The following TAOK2 variants were observed in gnomAD, a reference collection of about 807,000 sequenced individuals.
TAOK2 encodes the protein serine/threonine-protein kinase TAO2.
In TAOK2, 42 loss-of-function variants were observed where a neutral mutation model predicts 122.5. The observed-to-expected ratio is 0.34, with a 90% CI of 0.27 to 0.44. TAOK2 has a LOEUF of 0.44. TAOK2 is among the 20% of genes least tolerant of loss of function. TAOK2 has a pLI of 1.00. For synonymous variants in TAOK2, 704 were observed against 677.6 expected, an observed-to-expected ratio of 1.04 and a Z score of -0.61; for missense variants, 1,264 against 1,644.9, an observed-to-expected ratio of 0.77 and a Z score of 4.01.
chr16:29,987,933 C>A lies in TAOK2; in HGVS notation c.3661C>A (p.Arg1221=). Residue 1221 remains arginine, a synonymous_variant, in exon 16 of 16, where the codon CGG becomes AGG. Transcript: ENST00000308893. ...RQPLPGTLAG[R]RSRTRQSRAL... Reference sequence around the variant, plus strand: ...GCCACTGCCAGGGACTCTAGCCGGGCGGAGGTCACGCACCCGCCAGTCCCG... The same window carrying A: ...GCCACTGCCAGGGACTCTAGCCGGGAGGAGGTCACGCACCCGCCAGTCCCG... The A allele has an allele frequency of 6.5e-7, 1 of 1,540,600 alleles. No homozygotes were observed.
chr16:29,986,402 C>A lies in TAOK2; in HGVS notation c.2130C>A (p.His710Gln). 6.2e-7 allele frequency: 1 copy of A among 1,611,350 alleles called. No homozygotes were observed. The highest frequency in any genetic ancestry group is 1.3e-5 in the African/African-American group (1 of 74,984). The change falls in exon 16 of 16, where the codon CAC becomes CAA. Residue 710 changes from histidine (H) to glutamine (Q), a missense_variant. His to Gln is a conservative substitution (Grantham distance 24). Around this residue, in one of 4 missense-constraint regions of TAOK2, gnomAD observed 824 missense variants for 908.7 expected, o/e 0.91. Transcript: ENST00000308893. The surrounding 1 kb of genome is among the most constrained non-coding windows in gnomAD (Gnocchi z 4.2). ...GGGCTGAGCTCACCCGCCTGCAGCACCAGACGGAGCTGGGCAACCAGCTGG... is the reference window on the plus strand; with the variant it reads ...GGGCTGAGCTCACCCGCCTGCAGCAACAGACGGAGCTGGGCAACCAGCTGG... The part of the protein sequence containing the change: ...RTRAELTRLQ[H>Q]QTELGNQLEY...
At chr16:29,989,013 T>C (rs942775618), downstream of TAOK2, 3 of 985,384 alleles carry the variant, frequency 3.0e-6, no homozygotes, top group Middle Eastern at 1.0e-3. Flanking sequence ...AGCCCCTTCT[T>C]ACCCATTTCT....
chr16:29,983,808 T>A, intron 13 of TAOK2, 144 bp downstream of exon 13: 1 of 1,298,242 alleles, frequency 7.7e-7, no homozygotes, highest in Non-Finnish European at 1.1e-6. Context: ...CTGCTCCCCT[T>A]AACCCTCCTG....
chr16:29,991,059 C>A, downstream of TAOK2: 1 of 1,574,634 alleles, frequency 6.4e-7, no homozygotes, highest in Non-Finnish European at 8.6e-7. This position sits in a 1 kb window ranked among gnomAD's most constrained non-coding sequence, Gnocchi z 5.6. Flanking sequence ...GGAAGAGGAG[C>A]TGCTGGCCCT....
At chr16:29,991,141 C>T (rs1281927365), downstream of TAOK2, 3 of 1,609,820 alleles carry the variant, frequency 1.9e-6, no homozygotes, top group Non-Finnish European at 1.7e-6. The surrounding 1 kb of genome is among the most constrained non-coding windows in gnomAD (Gnocchi z 5.6). Flanking sequence ...GCCTTCGATG[C>T]GGAAAGCATG....
At chr16:29,984,546 C>A (rs1484952503) in intron 13 of TAOK2, among the ~76,000 whole-genome samples, 1 of 152,086 alleles carries the variant, frequency 6.6e-6, no homozygotes, top group Non-Finnish European at 1.5e-5. Flanking sequence ...CTTCAGATCC[C>A]ATGGTGTTGT....
downstream of TAOK2, chr16:29,989,900 G>T: frequency 2.3e-6 from 3 of 1,319,892 alleles, no homozygotes; most frequent in Non-Finnish European, 3.1e-6. Context: ...ACAGAGCTGG[G>T]GCTTTTTTAC....
Position 29,986,573 on chromosome 16 carries a change from A to G in TAOK2, c.2301A>G (p.Thr767=). The G allele has an allele frequency of 6.2e-7, 1 of 1,613,790 alleles. No homozygotes were observed. Reference sequence around the variant, plus strand: ...CTGGGGCTCTGGGCCCACCCAACACAGGCACCCCTATAGAACAGCAGCCCT... The same window carrying G: ...CTGGGGCTCTGGGCCCACCCAACACGGGCACCCCTATAGAACAGCAGCCCT... ...PIPGALGPPN[T]GTPIEQQPCS... is the part of the protein sequence containing the mutation. Residue 767 remains threonine (T), a synonymous_variant, in exon 16 of 16, where the codon ACA becomes ACG. Coordinates refer to ENST00000308893, the MANE Select transcript of TAOK2 (RefSeq NM_016151.4). This position sits in a 1 kb window ranked among gnomAD's most constrained non-coding sequence, Gnocchi z 4.2.
At position 29,975,980 on chromosome 16, in the gene TAOK2, G is replaced by A. The variant is rs540090989; in HGVS notation, c.-36+1332G>A. Among the ~76,000 whole-genome samples the A allele has an allele frequency of 3.9e-5, 6 of 152,276 alleles. No homozygotes were observed. The South Asian group carries it at 8.3e-4, about 21-fold the overall frequency. ...GCATAGCTTAGGAACAGATAGATAC[G>A]GGTTTCCTCATCTGTAGAATGGAGA... On this transcript the variant is annotated intron_variant, in intron 1 of 15. Coordinates refer to ENST00000308893, the MANE Select transcript of TAOK2 (RefSeq NM_016151.4).
chr16:29,979,177 G>A lies in TAOK2; in HGVS notation c.450-18G>A, dbSNP rs2069545531. The A allele has an allele frequency of 1.2e-5, 19 of 1,614,108 alleles. No homozygotes were observed. Among genetic ancestry groups the A allele is most frequent in the Non-Finnish European group, 1.6e-5 (19 of 1,179,954 alleles). ...TTCTTGAGACACATGTCTCATCCCT[G>A]TACTTTGCCTCTGGCAGGGATGTGA... On this transcript the variant is annotated intron_variant, in intron 6 of 15. Coordinates refer to ENST00000308893, the MANE Select transcript of TAOK2 (RefSeq NM_016151.4). This position sits in a 1 kb window ranked among gnomAD's most constrained non-coding sequence, Gnocchi z 4.1.
In TAOK2 at chr16:29,987,165, C is replaced by T; in HGVS notation, c.2893C>T (p.Leu965Phe). The T allele has an allele frequency of 6.4e-7, 1 of 1,562,936 alleles. No homozygotes were observed. Among genetic ancestry groups the T allele is most frequent in the Non-Finnish European group, 8.6e-7 (1 of 1,159,832 alleles). The change falls in exon 16 of 16, where the codon CTC (leucine) becomes TTC (phenylalanine). Residue 965 changes from leucine (L) to phenylalanine (F), a missense_variant. Leu to Phe is a conservative substitution (Grantham distance 22, BLOSUM62 0). This residue lies in a region of TAOK2 where 824 missense variants were observed against 908.7 expected (regional missense o/e 0.91). Transcript: ENST00000308893. ...LSFAVGSSSG[L>F]LPLLLLLLLP... is the part of the protein sequence containing the mutation. ...CTTTGCAGTGGGGTCCTCCTCTGGC[C>T]TCCTGCCCCTCCTGCTGCTGCTGCT... is the stretch of plus-strand genomic sequence containing the variant.
At position 29,987,302 on chromosome 16, in the gene TAOK2, G is replaced by A. The variant is rs201327809; in HGVS notation, c.3030G>A (p.Leu1010=). ...GASYLLLCTA[L]HLPSSLFLLL... ...CCTACCTGCTCCTTTGTACAGCCCT[G>A]CACCTGCCCTCCAGTCTTTTCCTAC... Residue 1010 remains leucine (L), a synonymous_variant, in exon 16 of 16, where the codon CTG becomes CTA. Transcript: ENST00000308893. 59 of 1,527,098 alleles carry A rather than the reference G, an allele frequency of 3.9e-5. No homozygotes were observed. The highest frequency in any genetic ancestry group is 1.3e-4 in the Admixed American group (6 of 45,632). The allele number at this position is 1,527,098 out of a possible 1,614,324, so 94.6% of individuals were successfully genotyped here.
intron 11 of TAOK2, 70 bp downstream of exon 11, chr16:29,982,971 CT>C: frequency 6.2e-7 from 1 of 1,604,038 alleles, no homozygotes; most frequent in Non-Finnish European, 8.5e-7. Context: ...TGCTTGGCCC[CT>C]TCCCCAGCCC....
Position 29,986,074 on chromosome 16 carries a change from C to T in TAOK2, c.1993-191C>T, listed in dbSNP as rs2069780047. The stretch of plus-strand genomic sequence containing the variant: ...CCAGGCCAGGGAGGAGCTTGCCTCC[C>T]CTACACCCTCATCTCCTGCCATCCC... On this transcript the variant is annotated intron_variant, in intron 15 of 15. Coordinates refer to ENST00000308893, the MANE Select transcript of TAOK2 (RefSeq NM_016151.4). This position sits in a 1 kb window ranked among gnomAD's most constrained non-coding sequence, Gnocchi z 4.2. Among the ~76,000 whole-genome samples the T allele has an allele frequency of 6.6e-6, 1 of 152,174 alleles. No homozygotes were observed. Among genetic ancestry groups the T allele is most frequent in the Non-Finnish European group, 1.5e-5 (1 of 68,026 alleles).
At chr16:29,991,659 G>GT, downstream of TAOK2, 2 of 1,376,814 alleles carry the variant, frequency 1.5e-6, no homozygotes, top group East Asian at 5.9e-5. This position sits in a 1 kb window ranked among gnomAD's most constrained non-coding sequence, Gnocchi z 5.6. Context: ...CCCTGCAAGG[G>GT]TAGGGGACAA....
At position 29,986,704 on chromosome 16, in the gene TAOK2, C is replaced by T; in HGVS notation, c.2432C>T (p.Pro811Leu). 1.2e-6 allele frequency: 2 copies of T among 1,613,856 alleles called. No homozygotes were observed. The highest frequency in any genetic ancestry group is 2.2e-5 in the South Asian group (2 of 91,040). The change falls in exon 16 of 16, where the codon CCC becomes CTC. Residue 811 changes from proline to leucine, a missense_variant. Physicochemically the swap from Pro to Leu is moderately conservative, Grantham distance 98. This residue lies in a region of TAOK2 where 824 missense variants were observed against 908.7 expected (regional missense o/e 0.91). Coordinates refer to ENST00000308893, the MANE Select transcript of TAOK2 (RefSeq NM_016151.4). The surrounding 1 kb of genome is among the most constrained non-coding windows in gnomAD (Gnocchi z 4.2). ...GGAAAGGAAGGGGCCACTTTGGAGC[C>T]CAAGCAGCAGAGGATTCTGGGGGAA... ...ILGKEGATLE[P>L]KQQRILGEES...
rs1182817686 is a variant in TAOK2 at position 29,974,276 on chromosome 16, T to G, written c.-408T>G. ...AACCTCTCTAAACCTGGGTCTCTGT[T>G]TCATAGAATTTCAAATATCAGGTTC... On this transcript the variant is annotated 5_prime_UTR_variant, in exon 1 of 16. Coordinates refer to ENST00000308893, the MANE Select transcript of TAOK2 (RefSeq NM_016151.4). 1.3e-5 allele frequency: 2 copies of G among 152,612 alleles called. No individual in the cohort carries two copies. Among genetic ancestry groups the G allele is most frequent in the Non-Finnish European group, 2.9e-5 (2 of 68,038 alleles). 9.5% of individuals were successfully genotyped at this position (152,612 alleles called of 1,614,324 possible).
chr16:29,979,081 C>T lies in TAOK2; in HGVS notation c.449+11C>T, dbSNP rs562143350. On this transcript the variant is annotated intron_variant, in intron 6 of 15. Coordinates refer to ENST00000308893, the MANE Select transcript of TAOK2 (RefSeq NM_016151.4). This position sits in a 1 kb window ranked among gnomAD's most constrained non-coding sequence, Gnocchi z 4.1. ...CAACATGATCCATAGGTACAAGCAG[C>T]ACCGGCAGTGCCTGGGAGGGGAGTG... 5 of 1,614,104 alleles carry T rather than the reference C, an allele frequency of 3.1e-6. No homozygotes were observed. In the African/African-American group the frequency reaches 5.3e-5, roughly 17 times the overall value.
chr16:29,984,589 G>C (rs1298717582), intron 13 of TAOK2, among the ~76,000 whole-genome samples: 1 of 152,024 alleles, frequency 6.6e-6, no homozygotes, highest in Non-Finnish European at 1.5e-5. Context: ...TGACTGCCAG[G>C]GGCTTGGCTG....
Sources: gnomAD v4.1 joint callset for allele counts (sites outside exome capture counted in the v4.1 genomes callset) on GRCh38, gnomAD v4.1.1 for gene constraint, gnomAD v4.1.1 regional missense constraint, Gnocchi (gnomAD v3.1) non-coding constraint, MANE v1.5 for transcripts, NCBI Gene and HGNC (gene_info 2026-07-23, HGNC 2026-07-21) for gene names.